Variants in CACNB2 observed in about 807,000 individuals in gnomAD.
CACNB2 encodes calcium voltage-gated channel auxiliary subunit beta 2, also known as voltage-dependent L-type calcium channel subunit beta-2.
CACNB2 carries 42 observed loss-of-function variants against 73.3 expected under a neutral mutation model. The ratio of observed to expected loss-of-function variants is 0.57; its 90% confidence interval spans 0.45 to 0.74. The LOEUF (loss-of-function observed/expected upper bound fraction) is 0.74. Ranked by LOEUF, CACNB2 falls within the 30% of genes least tolerant of loss-of-function variation. The pLI is 0.00. For missense variants in CACNB2, 940 were observed against 853.0 expected (o/e 1.10, Z -1.27); for synonymous variants, 348 against 310.3 (o/e 1.12, Z -1.28).
chr10:18,441,645 A>G (rs1054557688), intron 3 of CACNB2, among the ~76,000 whole-genome samples: 1 of 151,790 alleles, frequency 6.6e-6, no homozygotes, highest in Admixed American at 6.6e-5. Flanking sequence ...TGCTTTTTAA[A>G]TTTTTTTTAA....
chr10:18,530,721 C>G (rs751411420), intron 10 of CACNB2, among the ~76,000 whole-genome samples: 1 of 152,168 alleles, frequency 6.6e-6, no homozygotes. Context: ...GTCAAACCAT[C>G]GTAAGTCATG....
rs114558672 is a variant in CACNB2 at position 18,513,487 on chromosome 10, C to G, written c.671-749C>G. ...CACTATGCTCCTCATCTTCAAGTCC[C>G]TCGTCTCCTTTGCAAAGCTTCGTGA... is the stretch of plus-strand genomic sequence containing the variant. On this transcript the variant is annotated intron_variant, in intron 6 of 13. Transcript: ENST00000324631. 1,729 of 294,924 alleles carry G rather than the reference C, an allele frequency of 5.9e-3. 19 individuals are homozygous for G. Among genetic ancestry groups the G allele is most frequent in the South Asian group, 0.024 (659 of 27,816 alleles). The allele number at this position is 294,924 out of a possible 1,614,324, so 18.3% of individuals were successfully genotyped here.
intron 2 of CACNB2, among the ~76,000 whole-genome samples, chr10:18,198,425 C>T (rs948529864): frequency 1.3e-5 from 2 of 152,240 alleles, no homozygotes; most frequent in Middle Eastern, 3.4e-3. Flanking sequence ...ATCTTCACCA[C>T]GCTGCACTCT....
intron 2 of CACNB2, chr10:18,400,674 A>G (rs1463725141): frequency 1.5e-5 from 15 of 1,030,042 alleles, no homozygotes; most frequent in Non-Finnish European, 1.7e-5. Context: ...TTCTTTTACA[A>G]CTAATTTCTT....
chr10:18,489,938 C>T (rs1042272104), intron 3 of CACNB2, among the ~76,000 whole-genome samples: 1 of 152,062 alleles, frequency 6.6e-6, no homozygotes, highest in Non-Finnish European at 1.5e-5. Context: ...AGTGCAGTGG[C>T]GTGATCATGG....
chr10:18,501,032 T>TGTTAATACATAATAAAGGA, intron 5 of CACNB2, 84 bp downstream of exon 5: 2 of 1,270,526 alleles, frequency 1.6e-6, no homozygotes, highest in Non-Finnish European at 2.3e-6. Flanking sequence ...TCTGTATCCT[T>TGTTAATACATAATAAAGGA]TATTATGTAT....
chr10:18,453,281 A>G (rs1001485), intron 3 of CACNB2, among the ~76,000 whole-genome samples: 101,047 of 152,006 alleles, frequency 0.66, 34,213 homozygotes, highest in South Asian at 0.74. Context: ...ACTGTCTATT[A>G]CTCTTAGACA....
chr10:18,319,528 T>C (rs1211931011), intron 2 of CACNB2, among the ~76,000 whole-genome samples: 1 of 152,042 alleles, frequency 6.6e-6, no homozygotes, highest in Non-Finnish European at 1.5e-5. Context: ...GATGGGTTGA[T>C]AGGTGCAACA....
chr10:18,509,493 C>T (rs1203623242), intron 6 of CACNB2, among the ~76,000 whole-genome samples: 1 of 152,096 alleles, frequency 6.6e-6, no homozygotes, highest in African/African-American at 2.4e-5. Context: ...ACCTTTAACA[C>T]CAAAACTTAA....
chr10:18,212,924 C>T (rs2035375137), intron 2 of CACNB2, among the ~76,000 whole-genome samples: 1 of 152,178 alleles, frequency 6.6e-6, no homozygotes, highest in Admixed American at 6.5e-5. Flanking sequence ...TGATATATGA[C>T]CTCGGATCAA....
chr10:18,259,802 C>T lies in CACNB2; in HGVS notation c.213+108827C>T, dbSNP rs551656039. On this transcript the variant is annotated intron_variant, in intron 2 of 13. Coordinates refer to ENST00000324631, the MANE Select transcript of CACNB2 (RefSeq NM_201596.3). The stretch of plus-strand genomic sequence containing the variant: ...CCTACAATTCTAGCTACTTGGGAGT[C>T]GGAGGTGGGAGGACTGCCTGAGCAA... Among the ~76,000 whole-genome samples the T allele has an allele frequency of 1.0e-3, 151 of 150,882 alleles. 1 individual carries two copies. The highest frequency in any genetic ancestry group is 1.6e-3 in the Non-Finnish European group (111 of 67,878).
chr10:18,246,058 T>A (rs2036846929), intron 2 of CACNB2, among the ~76,000 whole-genome samples: 1 of 152,104 alleles, frequency 6.6e-6, no homozygotes, highest in Admixed American at 6.5e-5. Flanking sequence ...AAAGGTGCAG[T>A]GACCCTCTTG....
Position 18,159,277 on chromosome 10 carries a change from C to T in CACNB2, c.213+8302C>T, listed in dbSNP as rs1023608101. ...TCCTGCCGCGTATAGCCCGGACTCGCGAACTGTTTACACTGATTTTTTTCC... is the reference window on the plus strand; with the variant it reads ...TCCTGCCGCGTATAGCCCGGACTCGTGAACTGTTTACACTGATTTTTTTCC... On this transcript the variant is annotated intron_variant, in intron 2 of 13. Transcript: ENST00000324631. Among the ~76,000 whole-genome samples, 24 of 152,310 alleles carry T rather than the reference C, an allele frequency of 1.6e-4. No homozygotes were observed. In the South Asian group the frequency reaches 5.0e-3, roughly 32 times the overall value.
chr10:18,200,077 A>C (rs2034813325), intron 2 of CACNB2, among the ~76,000 whole-genome samples: 1 of 151,950 alleles, frequency 6.6e-6, no homozygotes, highest in South Asian at 2.1e-4. Context: ...TTTGTTTTTA[A>C]AAATCAAACA....
intron 2 of CACNB2, among the ~76,000 whole-genome samples, chr10:18,185,645 T>G (rs2131238565): frequency 6.6e-6 from 1 of 152,286 alleles, no homozygotes; most frequent in African/African-American, 2.4e-5. Flanking sequence ...GAAATGAAAA[T>G]ACATCTTTTA....
At chr10:18,228,699 T>C (rs1474182465) in intron 2 of CACNB2, among the ~76,000 whole-genome samples, 1 of 151,566 alleles carries the variant, frequency 6.6e-6, no homozygotes, top group Non-Finnish European at 1.5e-5. Context: ...TGTGTCAGTT[T>C]TGTTGTGAGT....
At chr10:18,533,204 T>C (rs1474175951) in intron 10 of CACNB2, 1 of 152,240 alleles carries the variant, frequency 6.6e-6, no homozygotes. Flanking sequence ...CTATGTACTA[T>C]GCTTTATAGA....
chr10:18,509,385 G>A (rs1384714955), intron 6 of CACNB2, among the ~76,000 whole-genome samples: 1 of 152,128 alleles, frequency 6.6e-6, no homozygotes, highest in Non-Finnish European at 1.5e-5. Context: ...TTGACATCTG[G>A]GCATTGGTGT....
intron 2 of CACNB2, among the ~76,000 whole-genome samples, chr10:18,310,901 G>A (rs1219671597): frequency 6.6e-6 from 1 of 151,888 alleles, no homozygotes; most frequent in South Asian, 2.1e-4. Flanking sequence ...TTCATTTTCT[G>A]TTTTGGTTTA....
Sources: gnomAD v4.1 joint callset for allele counts (sites outside exome capture counted in the v4.1 genomes callset) on GRCh38, gnomAD v4.1.1 for gene constraint, MANE v1.5 for transcripts, NCBI Gene and HGNC (gene_info 2026-07-23, HGNC 2026-07-21) for gene names.